CYTH4: variants seen among roughly 807,000 people sequenced by gnomAD.
CYTH4 encodes the protein cytohesin-4.
In CYTH4, 22 loss-of-function variants were observed where a neutral mutation model predicts 57.5. The ratio of observed to expected loss-of-function variants is 0.38; its 90% CI spans 0.27 to 0.55. CYTH4 has a LOEUF of 0.55. Ranked by LOEUF, CYTH4 falls within the 20% of genes least tolerant of loss-of-function variation. CYTH4 has a pLI of 0.74. For synonymous variants in CYTH4, 186 were observed against 206.5 expected (o/e 0.90, Z 0.85); for missense variants, 420 against 535.6 (o/e 0.78, Z 2.13).
intron 1 of CYTH4, among the ~76,000 whole-genome samples, chr22:37,290,526 G>A (rs1928713114): frequency 6.6e-6 from 1 of 152,004 alleles, no homozygotes; most frequent in Admixed American, 6.6e-5. Flanking sequence ...TTGTTTTGGA[G>A]ACAGAGTCTC....
At position 37,298,638 on chromosome 22, in the gene CYTH4, C is replaced by T. The variant is rs1484221513; in HGVS notation, c.354-588C>T. On this transcript the variant is annotated intron_variant, in intron 5 of 12. Transcript: ENST00000248901. This position sits in a 1 kb window ranked among gnomAD's most constrained non-coding sequence, Gnocchi z 4.1. ...GAGGAGAGAGGAAGGATATTGTGGG[C>T]GAGGAGGTGGGGATCTGTGGGAGCG... 2.0e-5 allele frequency among the ~76,000 whole-genome samples: 3 copies of T among 151,444 alleles called. No homozygotes were observed. Among genetic ancestry groups the T allele is most frequent in the Admixed American group, 2.0e-4 (3 of 15,218 alleles).
Position 37,314,697 on chromosome 22 carries a change from T to C in CYTH4, c.*1186T>C, listed in dbSNP as rs1929789701. 2 of 339,976 alleles carry C rather than the reference T, an allele frequency of 5.9e-6. No homozygotes were observed. Among genetic ancestry groups the C allele is most frequent in the Non-Finnish European group, 1.1e-5 (2 of 189,226 alleles). 21.1% of individuals were successfully genotyped at this position (339,976 alleles called of 1,614,324 possible). A position where few individuals can be genotyped will look rare whatever the true frequency, so the allele number is the denominator to read the frequency against. ...GCTCTGTCTCCAGGGAGGCCTGGCC[T>C]GGAGGAGGAGTCCACTAACAGGAAA... On this transcript the variant is annotated 3_prime_UTR_variant, in exon 13 of 13. Coordinates refer to ENST00000248901, the MANE Select transcript of CYTH4 (RefSeq NM_013385.5).
At chr22:37,283,787 G>T (rs1263461538) in intron 1 of CYTH4, among the ~76,000 whole-genome samples, 4 of 152,138 alleles carry the variant, frequency 2.6e-5, no homozygotes, top group African/African-American at 7.2e-5. Flanking sequence ...TCACAGCTCA[G>T]TGAGCACAGC....
chr22:37,301,412 G>T (rs891467930), intron 7 of CYTH4, among the ~76,000 whole-genome samples: 1 of 152,094 alleles, frequency 6.6e-6, no homozygotes, highest in Non-Finnish European at 1.5e-5. Context: ...AGGAGTTTCA[G>T]TTGGAACAAA....
At chr22:37,306,532 G>A (rs1426716645) in intron 8 of CYTH4, among the ~76,000 whole-genome samples, 4 of 152,242 alleles carry the variant, frequency 2.6e-5, no homozygotes, top group African/African-American at 9.6e-5. Flanking sequence ...CTATCCCTCT[G>A]CAGAGGCCAG....
chr22:37,287,273 G>A (rs1238132474), intron 1 of CYTH4, among the ~76,000 whole-genome samples: 6 of 152,076 alleles, frequency 3.9e-5, no homozygotes, highest in East Asian at 1.9e-4. Context: ...CAGGAAGGTC[G>A]GCCTAGGAGG....
intron 1 of CYTH4, among the ~76,000 whole-genome samples, chr22:37,285,311 T>C (rs1369489550): frequency 6.6e-6 from 1 of 152,108 alleles, no homozygotes; most frequent in Admixed American, 6.5e-5. Context: ...CTTGTGAGGT[T>C]GTGAGAAGCA....
rs751123214 is a variant in CYTH4 at position 37,313,424 on chromosome 22, T to G, written c.1113-15T>G. On this transcript the variant is annotated splice_polypyrimidine_tract_variant and intron_variant, in intron 12 of 12. Coordinates refer to ENST00000248901, the MANE Select transcript of CYTH4 (RefSeq NM_013385.5). ...GCCAGTCCAGCCCTGAAATCTCTCCTCCCACTCATTCTAGAGCCAGCATCA... is the reference window on the plus strand; with the variant it reads ...GCCAGTCCAGCCCTGAAATCTCTCCGCCCACTCATTCTAGAGCCAGCATCA... 37 of 1,613,434 alleles carry G rather than the reference T, an allele frequency of 2.3e-5. No homozygotes were observed. Among genetic ancestry groups the G allele is most frequent in the Admixed American group, 3.3e-5 (2 of 59,980 alleles).
intron 8 of CYTH4, among the ~76,000 whole-genome samples, chr22:37,308,594 CTGAG>C (rs1929500411): frequency 1.4e-5 from 2 of 144,440 alleles, no homozygotes; most frequent in Non-Finnish European, 3.0e-5. Context: ...GTATATGTGT[CTGAG>C]TGTGCATGTA....
chr22:37,284,497 G>A (rs1183643983), intron 1 of CYTH4, among the ~76,000 whole-genome samples: 1 of 152,208 alleles, frequency 6.6e-6, no homozygotes, highest in Admixed American at 6.5e-5. Context: ...GGGAGAAAAG[G>A]TCATTTCCCT....
At position 37,311,859 on chromosome 22, in the gene CYTH4, CAGAG is replaced by C; in HGVS notation, c.958-156_958-153del. The C allele has an allele frequency of 1.1e-6, 1 of 907,372 alleles. No homozygotes were observed. The highest frequency in any genetic ancestry group is 1.6e-6 in the Non-Finnish European group (1 of 610,492). 56.2% of individuals were successfully genotyped at this position (907,372 alleles called of 1,614,324 possible). ...GGATGGTGGATTCAGGAGCCTGCCA[CAGAG>C]AGAGTGCTCAGTGTGGGAGCAGCAG... On this transcript the variant is annotated intron_variant, in intron 11 of 12. Transcript: ENST00000248901. This position sits in a 1 kb window ranked among gnomAD's most constrained non-coding sequence, Gnocchi z 4.4.
chr22:37,292,747 C>G, intron 2 of CYTH4, 44 bp downstream of exon 2: 1 of 1,595,896 alleles, frequency 6.3e-7, no homozygotes, highest in Non-Finnish European at 8.6e-7. Flanking sequence ...TGCCCACACT[C>G]CTGCACGCTT....
chr22:37,303,267 G>A lies in CYTH4; in HGVS notation c.561G>A (p.Val187=), dbSNP rs1929254289. 1.2e-6 allele frequency: 2 copies of A among 1,614,074 alleles called. No individual in the cohort carries two copies. The highest frequency in any genetic ancestry group is 1.7e-5 in the Admixed American group (1 of 59,996). The part of the protein sequence containing the change: ...GVFQSTDTCY[V]LSFSIIMLNT... ...TCCCCTCCGCAGACACCTGCTACGT[G>A]TTGTCCTTCTCCATCATCATGCTCA... The change falls in exon 8 of 13, where the codon GTG becomes GTA. Residue 187 remains valine, a synonymous_variant. Transcript: ENST00000248901.
In CYTH4 at chr22:37,295,067, A is replaced by G. The variant is rs1928903037; in HGVS notation, c.167+343A>G. Among the ~76,000 whole-genome samples the G allele has an allele frequency of 6.6e-6, 1 of 152,148 alleles. No individual in the cohort carries two copies. The highest frequency in any genetic ancestry group is 1.9e-4 in the East Asian group (1 of 5,190). Reference sequence around the variant, plus strand: ...GGGAAGCTCAGCCCCAAGGGCAAGGACAAGGAAGCCCAGGGCCCCAGGAGG... The same window carrying G: ...GGGAAGCTCAGCCCCAAGGGCAAGGGCAAGGAAGCCCAGGGCCCCAGGAGG... On this transcript the variant is annotated intron_variant, in intron 3 of 12. Coordinates refer to ENST00000248901, the MANE Select transcript of CYTH4 (RefSeq NM_013385.5). This position sits in a 1 kb window ranked among gnomAD's most constrained non-coding sequence, Gnocchi z 4.1.
At chr22:37,312,229 C>A in intron 12 of CYTH4, 55 bp downstream of exon 12, 1 of 1,596,764 alleles carries the variant, frequency 6.3e-7, no homozygotes, top group South Asian at 1.1e-5. Context: ...GAAGGCCCTG[C>A]TTCTTTTGGG....
chr22:37,282,634 T>G (rs1260429535), intron 1 of CYTH4, 46 bp downstream of exon 1: 1 of 1,538,576 alleles, frequency 6.5e-7, no homozygotes, highest in Non-Finnish European at 8.9e-7. Flanking sequence ...GTGCTCTCTT[T>G]TAGAATGGGA....
intron 12 of CYTH4, among the ~76,000 whole-genome samples, chr22:37,313,021 A>G (rs900142141): frequency 6.6e-6 from 1 of 152,180 alleles, no homozygotes; most frequent in African/African-American, 2.4e-5. Context: ...CATCTTACAC[A>G]TGAGGAAACT....
chr22:37,306,226 G>C (rs767478562), intron 8 of CYTH4, among the ~76,000 whole-genome samples: 4 of 152,110 alleles, frequency 2.6e-5, no homozygotes, highest in African/African-American at 4.8e-5. Context: ...GAGATAAGGG[G>C]ACAAAGAACT....
chr22:37,309,376 C>G, intron 9 of CYTH4, 53 bp downstream of exon 9: 1 of 1,510,232 alleles, frequency 6.6e-7, no homozygotes, highest in South Asian at 1.1e-5. Flanking sequence ...CACGCGCGGG[C>G]ACACATCGTT....
Sources: allele counts gnomAD v4.1 joint callset (sites outside exome capture counted in the v4.1 genomes callset), GRCh38; gene constraint gnomAD v4.1.1; non-coding constraint Gnocchi (gnomAD v3.1); transcripts MANE v1.5; gene names NCBI Gene and HGNC (gene_info 2026-07-23, HGNC 2026-07-21).